PSD3: variants seen among roughly 807,000 people sequenced by gnomAD.
The protein encoded by PSD3 is PH and SEC7 domain-containing protein 3.
In PSD3, 49 loss-of-function variants were observed where a neutral mutation model predicts 105.5. The observed-to-expected ratio is 0.46, with a 90% confidence interval of 0.37 to 0.59. PSD3 has a LOEUF of 0.59. Among genes scored for constraint, PSD3 ranks in the 20% least tolerant of loss-of-function variants. The pLI, the probability that PSD3 is intolerant of heterozygous loss-of-function variation, is 0.00. For missense variants in PSD3, 1,561 were observed against 1,263.8 expected (o/e 1.24, Z -3.57); for synonymous variants, 557 against 457.8 (o/e 1.22, Z -2.77).
At chr8:18,705,729 G>C (rs1344320560) in intron 9 of PSD3, among the ~76,000 whole-genome samples, 1 of 152,026 alleles carries the variant, frequency 6.6e-6, no homozygotes, top group African/African-American at 2.4e-5. Flanking sequence ...CTTAAAGAAA[G>C]TGACATAGGC....
intron 9 of PSD3, among the ~76,000 whole-genome samples, chr8:18,725,727 A>G (rs1314382090): frequency 1.3e-5 from 2 of 152,218 alleles, no homozygotes; most frequent in Non-Finnish European, 2.9e-5. Context: ...TAAGATGAAC[A>G]GATATCATCT....
chr8:18,824,562 C>G (rs913990696), intron 4 of PSD3, among the ~76,000 whole-genome samples: 9 of 152,164 alleles, frequency 5.9e-5, no homozygotes, highest in African/African-American at 2.2e-4. Flanking sequence ...ATGGTTTCTG[C>G]TTCCCAGAAT....
intron 1 of PSD3, among the ~76,000 whole-genome samples, chr8:19,074,638 T>A (rs1458770558): frequency 4.0e-5 from 4 of 101,178 alleles, no homozygotes; most frequent in Non-Finnish European, 7.9e-5. Flanking sequence ...TTTTTTTTTT[T>A]GAGATGGAGT....
At chr8:18,834,394 A>G (rs1813924445) in intron 4 of PSD3, among the ~76,000 whole-genome samples, 1 of 152,220 alleles carries the variant, frequency 6.6e-6, no homozygotes, top group South Asian at 2.1e-4. Context: ...AGATTAATAC[A>G]ACAAATCAAA....
At chr8:19,008,168 T>C (rs946708590) in intron 1 of PSD3, among the ~76,000 whole-genome samples, 1 of 152,306 alleles carries the variant, frequency 6.6e-6, no homozygotes, top group Admixed American at 6.5e-5. Context: ...TAGGGAGATA[T>C]AAGCATCAGC....
intron 1 of PSD3, among the ~76,000 whole-genome samples, chr8:18,964,445 A>G (rs1824119962): frequency 6.7e-6 from 1 of 148,388 alleles, no homozygotes; most frequent in Admixed American, 6.8e-5. Flanking sequence ...TTGTTACACA[A>G]AACTAATAAC....
intron 2 of PSD3, among the ~76,000 whole-genome samples, chr8:18,879,887 C>T (rs181315768): frequency 3.0e-4 from 46 of 152,258 alleles, no homozygotes; most frequent in African/African-American, 9.9e-4. Context: ...CGTGAACTAA[C>T]GCATTTAGCC....
At chr8:18,536,796 C>G (rs572094265) in intron 15 of PSD3, among the ~76,000 whole-genome samples, 1 of 151,498 alleles carries the variant, frequency 6.6e-6, no homozygotes, top group African/African-American at 2.4e-5. Flanking sequence ...ATATATAGAA[C>G]TATCATATAT....
intron 1 of PSD3, among the ~76,000 whole-genome samples, chr8:19,079,462 G>A (rs1176306848): frequency 6.6e-6 from 1 of 152,092 alleles, no homozygotes; most frequent in East Asian, 1.9e-4. Context: ...GACTCACCAA[G>A]TAGAATTAAT....
At chr8:18,687,532 T>TC (rs898743740) in intron 9 of PSD3, among the ~76,000 whole-genome samples, 2 of 151,502 alleles carry the variant, frequency 1.3e-5, no homozygotes, top group African/African-American at 4.9e-5. Context: ...CGAAATGATT[T>TC]CCCCCCTAAC....
intron 9 of PSD3, among the ~76,000 whole-genome samples, chr8:18,760,692 T>A (rs773029488): frequency 3.9e-5 from 6 of 152,218 alleles, no homozygotes; most frequent in Admixed American, 3.9e-4. Flanking sequence ...TCAAAGGTTA[T>A]TCTACAGAGT....
rs566210300 is a variant in PSD3, at chr8:18,695,528, T to C, written c.2173-39843A>G. Among the ~76,000 whole-genome samples the C allele has an allele frequency of 1.0e-3, 159 of 152,322 alleles. 1 individual carries two copies. Among genetic ancestry groups the C allele is most frequent in the Admixed American group, 3.9e-3 (59 of 15,306 alleles). ...TCCCCCTTAAGGGGCATTTTTATTA[T>C]GTAATAACTGACACATACGAAACAA... On this transcript the variant is annotated intron_variant, in intron 9 of 15. Coordinates refer to ENST00000327040, the MANE Select transcript of PSD3 (RefSeq NM_015310.4).
chr8:18,892,512 C>G (rs138755905), intron 2 of PSD3, among the ~76,000 whole-genome samples: 7,138 of 152,106 alleles, frequency 0.047, 206 homozygotes, highest in South Asian at 0.081. Context: ...CGTGAGCCAC[C>G]GCACCTGGCC....
In PSD3 at chr8:18,813,898, A is replaced by G. The variant is rs187704662; in HGVS notation, c.1635-9000T>C. The stretch of plus-strand genomic sequence containing the variant: ...CGGTAAACAAAAAACGTCTGCTCCT[A>G]TCACCAGATCCATCTTCGTCACCAA... On this transcript the variant is annotated intron_variant, in intron 4 of 15. Coordinates refer to ENST00000327040, the MANE Select transcript of PSD3 (RefSeq NM_015310.4). Among the ~76,000 whole-genome samples, 3 of 152,352 alleles carry G rather than the reference A, an allele frequency of 2.0e-5. No individual in the cohort carries two copies. The East Asian group carries it at 5.8e-4, about 29-fold the overall frequency.
chr8:18,836,470 A>C (rs757038123), intron 4 of PSD3, among the ~76,000 whole-genome samples: 5 of 152,220 alleles, frequency 3.3e-5, no homozygotes, highest in Admixed American at 2.0e-4. Context: ...GGAAATGCAT[A>C]TATTAATACT....
intron 1 of PSD3, among the ~76,000 whole-genome samples, chr8:19,045,906 A>G (rs1586663260): frequency 6.6e-6 from 1 of 152,294 alleles, no homozygotes; most frequent in East Asian, 1.9e-4. Flanking sequence ...ATTACGTCTA[A>G]TCATCACTAG....
At position 18,871,751 on chromosome 8, in the gene PSD3, C is replaced by G; in HGVS notation, c.1113G>C (p.Arg371Ser). ...AAAATGTCCCCGAGCTAGTGCCAGG[C>G]CTCTCTGAAGGAGCTTTCCAGGATT... ...WDESWKAPSE[R>S]PGTSSGTFSP... The change falls in exon 3 of 16, where the codon AGG (arginine) becomes AGC (serine). Residue 371 changes from arginine (R) to serine (S), a missense_variant. Coordinates refer to ENST00000327040, the MANE Select transcript of PSD3 (RefSeq NM_015310.4). 6.2e-7 allele frequency: 1 copy of G among 1,614,152 alleles called. No individual in the cohort carries two copies. The highest frequency in any genetic ancestry group is 8.5e-7 in the Non-Finnish European group (1 of 1,180,026).
intron 9 of PSD3, among the ~76,000 whole-genome samples, chr8:18,755,036 G>C (rs150415602): frequency 6.6e-6 from 1 of 152,232 alleles, no homozygotes; most frequent in African/African-American, 2.4e-5. Context: ...AAAGAGGATA[G>C]CTTTTATTCA....
At chr8:19,036,430 G>C (rs963208909) in intron 1 of PSD3, among the ~76,000 whole-genome samples, 2 of 152,080 alleles carry the variant, frequency 1.3e-5, no homozygotes, top group African/African-American at 4.8e-5. Flanking sequence ...TCAAGTCTTG[G>C]AGGTCCCATA....
Sources: allele counts gnomAD v4.1 joint callset (sites outside exome capture counted in the v4.1 genomes callset), GRCh38; gene constraint gnomAD v4.1.1; transcripts MANE v1.5; gene names NCBI Gene and HGNC (gene_info 2026-07-23, HGNC 2026-07-21).